Variants in RABGAP1L observed in about 807,000 individuals in gnomAD.
RABGAP1L encodes the protein rab GTPase-activating protein 1-like.
A neutral mutation model predicts 137.7 loss-of-function variants in RABGAP1L; 63 were observed. The ratio of observed to expected loss-of-function variants is 0.46; its 90% confidence interval spans 0.37 to 0.56. The LOEUF (loss-of-function observed/expected upper bound fraction) is 0.56. Ranked by LOEUF, RABGAP1L falls within the 20% of genes least tolerant of loss-of-function variation. The pLI is 0.00. For synonymous variants in RABGAP1L, 431 were observed against 433.7 expected (o/e 0.99, Z 0.08); for missense variants, 1,095 against 1,244.0 (o/e 0.88, Z 1.80).
At chr1:174,741,855 C>CAAAAAAA (rs775821774) in intron 17 of RABGAP1L, among the ~76,000 whole-genome samples, 3 of 41,898 alleles carry the variant, frequency 7.2e-5, no homozygotes, top group African/African-American at 1.1e-4. Flanking sequence ...CCTATTTCTA[C>CAAAAAAA]AAAAAAAAAA....
intron 18 of RABGAP1L, among the ~76,000 whole-genome samples, chr1:174,797,755 A>T (rs1474316215): frequency 6.6e-6 from 1 of 150,964 alleles, no homozygotes; most frequent in Admixed American, 6.6e-5. Flanking sequence ...GTGTTTAGGG[A>T]TACAGTATGA....
At position 174,991,098 on chromosome 1, in the gene RABGAP1L, A is replaced by G. The variant is rs1672026673; in HGVS notation, c.*1097A>G. 1 of 152,228 alleles carries G rather than the reference A, an allele frequency of 6.6e-6. No individual in the cohort carries two copies. The highest frequency in any genetic ancestry group is 2.4e-5 in the African/African-American group (1 of 41,462). 9.4% of individuals were successfully genotyped at this position (152,228 alleles called of 1,614,324 possible). On this transcript the variant is annotated 3_prime_UTR_variant, in exon 26 of 26. Transcript: ENST00000681986. The stretch of plus-strand genomic sequence containing the variant: ...CATAAAGAGATACAAATGCATTTGT[A>G]ACATTTTTGATTGAATATAAAACCT...
intron 15 of RABGAP1L, 89 bp from the exon 16 acceptor site, chr1:174,699,436 T>C: frequency 8.1e-7 from 1 of 1,237,342 alleles, no homozygotes; most frequent in Admixed American, 2.3e-5. Context: ...CAGCTACTTA[T>C]GCAGAGGACT....
At chr1:174,466,722 G>A (rs982528146) in intron 13 of RABGAP1L, among the ~76,000 whole-genome samples, 10 of 152,206 alleles carry the variant, frequency 6.6e-5, no homozygotes, top group Non-Finnish European at 1.3e-4. Flanking sequence ...GGAAGGCGGA[G>A]GCTACAATGA....
intron 19 of RABGAP1L, among the ~76,000 whole-genome samples, chr1:174,867,831 G>T (rs895212512): frequency 1.3e-5 from 2 of 152,174 alleles, no homozygotes; most frequent in Non-Finnish European, 2.9e-5. Flanking sequence ...TTTTAGTAGA[G>T]ATGGGGTTTC....
chr1:174,475,611 T>C (rs959675754), intron 13 of RABGAP1L, among the ~76,000 whole-genome samples: 11 of 151,724 alleles, frequency 7.3e-5, no homozygotes, highest in African/African-American at 2.7e-4. Context: ...ATTTATGGCA[T>C]ATTAAGGCAG....
At chr1:174,548,829 T>A (rs1347521901) in intron 13 of RABGAP1L, among the ~76,000 whole-genome samples, 2 of 152,194 alleles carry the variant, frequency 1.3e-5, no homozygotes, top group African/African-American at 4.8e-5. Flanking sequence ...CCTGAATCTC[T>A]AGGTAGCATA....
chr1:174,479,265 G>A (rs976556057), intron 13 of RABGAP1L, among the ~76,000 whole-genome samples: 3 of 152,174 alleles, frequency 2.0e-5, no homozygotes, highest in African/African-American at 7.2e-5. Context: ...ACATCTATAT[G>A]TCTAGTGCTT....
At chr1:174,606,075 T>C (rs1030483555) in intron 13 of RABGAP1L, among the ~76,000 whole-genome samples, 1 of 152,206 alleles carries the variant, frequency 6.6e-6, no homozygotes, top group Non-Finnish European at 1.5e-5. Flanking sequence ...AGACATGTTA[T>C]AACAAGTTAG....
intron 17 of RABGAP1L, among the ~76,000 whole-genome samples, chr1:174,715,034 A>T (rs1162787434): frequency 6.6e-6 from 1 of 152,176 alleles, no homozygotes; most frequent in Non-Finnish European, 1.5e-5. Flanking sequence ...GTAATCTTTA[A>T]AATTATAATT....
intron 14 of RABGAP1L, among the ~76,000 whole-genome samples, chr1:174,649,292 G>A (rs1358203350): frequency 1.3e-5 from 2 of 152,106 alleles, no homozygotes; most frequent in Admixed American, 6.6e-5. Flanking sequence ...CATTTTCATA[G>A]TGTTGATGGT....
At chr1:174,859,953 CTTTT>C (rs746676430) in intron 19 of RABGAP1L, among the ~76,000 whole-genome samples, 4 of 95,146 alleles carry the variant, frequency 4.2e-5, no homozygotes, top group East Asian at 6.0e-4. Context: ...TAGTCCAATG[CTTTT>C]TTTTTTTTTT....
chr1:174,184,537 T>G (rs1252099047), intron 1 of RABGAP1L, among the ~76,000 whole-genome samples: 2 of 152,192 alleles, frequency 1.3e-5, no homozygotes, highest in Non-Finnish European at 2.9e-5. Flanking sequence ...CATCATAAAT[T>G]TAAATTCACT....
chr1:174,778,623 C>CT (rs1686719219), intron 18 of RABGAP1L, among the ~76,000 whole-genome samples: 1 of 151,932 alleles, frequency 6.6e-6, no homozygotes, highest in Non-Finnish European at 1.5e-5. Flanking sequence ...AAGTCAGAGT[C>CT]TCACACTGTC....
At position 174,339,765 on chromosome 1, in the gene RABGAP1L, C is replaced by T. The variant is rs1571294152; in HGVS notation, c.1466-31214C>T. On this transcript the variant is annotated intron_variant, in intron 11 of 25. Transcript: ENST00000681986. ...GGGATTACAGACGTGCACCACCATG[C>T]CTGGCTAATTTTTGTATTTTTAGTA... 2.0e-5 allele frequency among the ~76,000 whole-genome samples: 3 copies of T among 152,114 alleles called. No homozygotes were observed. The East Asian group carries it at 5.8e-4, about 29-fold the overall frequency.
intron 15 of RABGAP1L, among the ~76,000 whole-genome samples, chr1:174,695,365 A>G (rs1679172381): frequency 6.6e-6 from 1 of 151,998 alleles, no homozygotes; most frequent in African/African-American, 2.4e-5. Context: ...AAGCTCACTG[A>G]TTCTTCTGCT....
At chr1:174,889,599 G>GT (rs1378646105) in intron 19 of RABGAP1L, among the ~76,000 whole-genome samples, 30 of 150,522 alleles carry the variant, frequency 2.0e-4, no homozygotes, top group Admixed American at 4.6e-4. Flanking sequence ...TTTTTTGTTT[G>GT]TTTTTTTTTG....
At chr1:174,614,084 A>G (rs1353157087) in intron 13 of RABGAP1L, among the ~76,000 whole-genome samples, 1 of 152,070 alleles carries the variant, frequency 6.6e-6, no homozygotes, top group Non-Finnish European at 1.5e-5. Context: ...TTATGTGTGA[A>G]TTTGATCCTG....
At chr1:174,882,858 C>T (rs943220228) in intron 19 of RABGAP1L, among the ~76,000 whole-genome samples, 5 of 151,802 alleles carry the variant, frequency 3.3e-5, no homozygotes, top group Admixed American at 6.6e-5. Flanking sequence ...CAGAGTGTGG[C>T]TCTGCCACCC....
Sources: allele counts gnomAD v4.1 joint callset (sites outside exome capture counted in the v4.1 genomes callset), GRCh38; gene constraint gnomAD v4.1.1; transcripts MANE v1.5; gene names NCBI Gene and HGNC (gene_info 2026-07-23, HGNC 2026-07-21).